Variants in TXNDC11 observed in about 807,000 individuals in gnomAD.
The protein encoded by TXNDC11 is thioredoxin domain containing 11, also known as thioredoxin domain-containing protein 11.
In TXNDC11, 68 loss-of-function variants were observed where a neutral mutation model predicts 78.0. That is an observed-to-expected ratio of 0.87 (90% CI 0.72 to 1.07). The LOEUF (loss-of-function observed/expected upper bound fraction) is 1.07. TXNDC11 is among the 50% of genes least tolerant of loss of function. The pLI is 0.00. For missense variants in TXNDC11, 1,389 were observed against 1,221.8 expected (o/e 1.14, Z -2.04); for synonymous variants, 571 against 495.2 (o/e 1.15, Z -2.03).
chr16:11,712,243 A>AACACTAAC (rs2051383919), intron 5 of TXNDC11, among the ~76,000 whole-genome samples: 1 of 152,200 alleles, frequency 6.6e-6, no homozygotes, highest in Non-Finnish European at 1.5e-5. Flanking sequence ...TCTCTAAATG[A>AACACTAAC]ACACTAAATT....
At chr16:11,736,934 T>C (rs186234433) in intron 1 of TXNDC11, among the ~76,000 whole-genome samples, 3 of 152,112 alleles carry the variant, frequency 2.0e-5, no homozygotes, top group Non-Finnish European at 4.4e-5. Context: ...GAAGTAACTT[T>C]CCCCATCAAG....
intron 4 of TXNDC11, among the ~76,000 whole-genome samples, chr16:11,729,342 G>A (rs1056661177): frequency 1.3e-5 from 2 of 152,176 alleles, no homozygotes; most frequent in East Asian, 3.8e-4. Context: ...GAGGTGCACA[G>A]ACATCCATCT....
At chr16:11,740,350 C>A (rs565344171) in intron 1 of TXNDC11, among the ~76,000 whole-genome samples, 48 of 152,258 alleles carry the variant, frequency 3.2e-4, no homozygotes, top group African/African-American at 1.2e-3. Context: ...GCCAGTGACA[C>A]AGAAAGAAGA....
intron 4 of TXNDC11, among the ~76,000 whole-genome samples, chr16:11,729,443 T>G (rs1309828454): frequency 1.7e-5 from 2 of 120,500 alleles, no homozygotes; most frequent in African/African-American, 7.1e-5. Context: ...GGGGAATCTC[T>G]GCTAATAGTT....
intron 5 of TXNDC11, among the ~76,000 whole-genome samples, chr16:11,713,614 C>T (rs1315008085): frequency 1.3e-5 from 2 of 152,138 alleles, no homozygotes; most frequent in African/African-American, 2.4e-5. Context: ...CCGGGTTTCT[C>T]CGTGTTGGTC....
chr16:11,712,888 G>A (rs1280080480), intron 5 of TXNDC11, among the ~76,000 whole-genome samples: 1 of 150,406 alleles, frequency 6.6e-6, no homozygotes, highest in East Asian at 2.0e-4. Flanking sequence ...GGGAGTTCAA[G>A]ACCAGCCTGA....
intron 1 of TXNDC11, among the ~76,000 whole-genome samples, chr16:11,739,957 C>G (rs1271322138): frequency 6.6e-6 from 1 of 151,792 alleles, no homozygotes; most frequent in Non-Finnish European, 1.5e-5. Flanking sequence ...CTTTGGGAGG[C>G]CGAAGTAGGA....
At chr16:11,714,504 G>C (rs1395846861) in intron 5 of TXNDC11, among the ~76,000 whole-genome samples, 1 of 152,148 alleles carries the variant, frequency 6.6e-6, no homozygotes, top group Non-Finnish European at 1.5e-5. Context: ...GCCGGGCGTG[G>C]TGGCGGGCGC....
rs760160062 is a variant in TXNDC11 at position 11,698,318 on chromosome 16, G to A, written c.914C>T (p.Pro305Leu). The change falls in exon 7 of 12, where the codon CCC becomes CTC. Residue 305 changes from proline (P) to leucine (L), a missense_variant. Pro to Leu is a moderately conservative substitution (Grantham distance 98). Coordinates refer to ENST00000283033, the MANE Select transcript of TXNDC11 (RefSeq NM_015914.7). ...HRHFNTSLVF[P>L]REVLNYTAEN... is the part of the protein sequence containing the mutation. ...AGCTGTGTAGTTCAGGACCTCCCTG[G>A]GGAAGACCTGTGAAGGACAAAGGCA... 3 of 1,613,278 alleles carry A rather than the reference G, an allele frequency of 1.9e-6. No homozygotes were observed. Among genetic ancestry groups the A allele is most frequent in the Non-Finnish European group, 1.7e-6 (2 of 1,179,982 alleles).
intron 4 of TXNDC11, among the ~76,000 whole-genome samples, chr16:11,726,472 C>T (rs1194990940): frequency 6.7e-6 from 1 of 149,928 alleles, no homozygotes; most frequent in East Asian, 2.0e-4. Context: ...CCCAGCTACT[C>T]AGGAGGCTGA....
At chr16:11,698,038 G>C (rs2050905494) in intron 7 of TXNDC11, 87 bp downstream of exon 7, 1 of 1,291,238 alleles carries the variant, frequency 7.7e-7, no homozygotes, top group African/African-American at 1.5e-5. Flanking sequence ...AGCTGCCAGA[G>C]TAAATGACTG....
intron 11 of TXNDC11, among the ~76,000 whole-genome samples, chr16:11,682,320 C>T (rs1033437738): frequency 6.6e-6 from 1 of 152,208 alleles, no homozygotes; most frequent in African/African-American, 2.4e-5. Flanking sequence ...CTTTGGTTTA[C>T]CAACATCCTT....
At chr16:11,702,066 ATGTG>A (rs896587596) in intron 5 of TXNDC11, among the ~76,000 whole-genome samples, 13 of 137,162 alleles carry the variant, frequency 9.5e-5, no homozygotes, top group Non-Finnish European at 1.6e-4. Context: ...ATGTGTGTGT[ATGTG>A]TGTGTGTGTA....
chr16:11,731,493 A>G (rs2052045206), intron 3 of TXNDC11, among the ~76,000 whole-genome samples: 1 of 152,178 alleles, frequency 6.6e-6, no homozygotes. Context: ...CTCACACAAT[A>G]CAGACACTGC....
chr16:11,742,230 C>T (rs2052419416), intron 1 of TXNDC11: 1 of 427,446 alleles, frequency 2.3e-6, no homozygotes, highest in Non-Finnish European at 4.1e-6. Context: ...ACCCGCCTCC[C>T]TCGGCACTAA....
rs895205848 is a variant in TXNDC11 at position 11,683,407 on chromosome 16, T to C, written c.2234+758A>G. On this transcript the variant is annotated intron_variant, in intron 11 of 11. Transcript: ENST00000283033. ...TGGAATCCGAGAAAAGGACGTGCCA[T>C]GGGTAAGAAAGCCACCCTGTCCTCT... Among the ~76,000 whole-genome samples, 3 of 152,114 alleles carry C rather than the reference T, an allele frequency of 2.0e-5. No individual in the cohort carries two copies. The East Asian group carries it at 5.8e-4, about 29-fold the overall frequency.
chr16:11,721,778 T>C lies in TXNDC11; in HGVS notation c.700-108A>G, dbSNP rs182042326. ...ACAATTTGACAATTAATGCATCTTGTTGCCTTTCATTTTTTCAAAAAGCCT... is the reference window on the plus strand; with the variant it reads ...ACAATTTGACAATTAATGCATCTTGCTGCCTTTCATTTTTTCAAAAAGCCT... On this transcript the variant is annotated intron_variant, in intron 4 of 11. Transcript: ENST00000283033. 1.8e-3 allele frequency: 1,095 copies of C among 594,192 alleles called. 7 individuals carry two copies. Among genetic ancestry groups the C allele is most frequent in the Middle Eastern group, 2.4e-3 (5 of 2,042 alleles). The allele number at this position is 594,192 out of a possible 1,614,324, so 36.8% of individuals were successfully genotyped here. A position where few individuals can be genotyped will look rare whatever the true frequency, so the allele number is the denominator to read the frequency against.
intron 5 of TXNDC11, among the ~76,000 whole-genome samples, chr16:11,714,866 C>G (rs1183936370): frequency 6.6e-6 from 1 of 152,212 alleles, no homozygotes; most frequent in Non-Finnish European, 1.5e-5. Flanking sequence ...CCTTAGAAAA[C>G]TAATGCTACT....
At chr16:11,704,088 G>T (rs538339738) in intron 5 of TXNDC11, among the ~76,000 whole-genome samples, 4 of 151,966 alleles carry the variant, frequency 2.6e-5, no homozygotes, top group African/African-American at 9.7e-5. Context: ...GTGAAACTCC[G>T]TCTCAAAAAA....
Sources: allele counts gnomAD v4.1 joint callset (sites outside exome capture counted in the v4.1 genomes callset), GRCh38; gene constraint gnomAD v4.1.1; transcripts MANE v1.5; gene names NCBI Gene and HGNC (gene_info 2026-07-23, HGNC 2026-07-21).